LRRTM4: variants seen among roughly 807,000 people sequenced by gnomAD.
LRRTM4 encodes the protein leucine rich repeat transmembrane neuronal 4.
In LRRTM4, 25 loss-of-function variants were observed where a neutral mutation model predicts 47.6. The ratio of observed to expected loss-of-function variants is 0.53; its 90% CI spans 0.38 to 0.73. The LOEUF (loss-of-function observed/expected upper bound fraction) is 0.73. Ranked by LOEUF, LRRTM4 falls within the 30% of genes least tolerant of loss-of-function variation. The pLI, the probability that LRRTM4 is intolerant of heterozygous loss-of-function variation, is 0.00. For synonymous variants in LRRTM4, 311 were observed against 269.5 expected, an observed-to-expected ratio of 1.15 and a Z score of -1.51; for missense variants, 638 against 713.4, an observed-to-expected ratio of 0.89 and a Z score of 1.20.
At chr2:77,336,957 G>A (rs1295591100) in intron 3 of LRRTM4, among the ~76,000 whole-genome samples, 1 of 152,038 alleles carries the variant, frequency 6.6e-6, no homozygotes, top group African/African-American at 2.4e-5. Context: ...TATGATACTA[G>A]ACATAGAGCA....
Position 77,090,297 on chromosome 2 carries a change from A to G in LRRTM4, c.1552-341381T>C, listed in dbSNP as rs535068588. On this transcript the variant is annotated intron_variant, in intron 3 of 3. Transcript: ENST00000409884. Reference sequence around the variant, plus strand: ...ATCAGAAGCGTTTAGGCTCTTTCTCATCAAATATAAAAATCCAGCCCAGTT... The same window carrying G: ...ATCAGAAGCGTTTAGGCTCTTTCTCGTCAAATATAAAAATCCAGCCCAGTT... Among the ~76,000 whole-genome samples the G allele has an allele frequency of 1.4e-3, 206 of 152,204 alleles. 2 individuals carry two copies. The highest frequency in any genetic ancestry group is 4.6e-3 in the African/African-American group (190 of 41,510).
intron 3 of LRRTM4, among the ~76,000 whole-genome samples, chr2:76,769,237 TACTTAG>T (rs1419387406): frequency 1.3e-5 from 2 of 152,180 alleles, no homozygotes; most frequent in East Asian, 1.9e-4. Context: ...AACTCCTATT[TACTTAG>T]ACTTAATCTA....
chr2:76,928,834 G>C (rs1230678204), intron 3 of LRRTM4, among the ~76,000 whole-genome samples: 1 of 151,990 alleles, frequency 6.6e-6, no homozygotes, highest in African/African-American at 2.4e-5. Flanking sequence ...GCAAAGCAAA[G>C]AACACAAAAG....
intron 3 of LRRTM4, among the ~76,000 whole-genome samples, chr2:77,080,279 T>C (rs1438614570): frequency 6.6e-6 from 1 of 152,200 alleles, no homozygotes; most frequent in African/African-American, 2.4e-5. Context: ...TCTCCTTTTT[T>C]TGACCTTTAT....
At chr2:77,115,282 C>T (rs79515912) in intron 3 of LRRTM4, among the ~76,000 whole-genome samples, 1 of 152,122 alleles carries the variant, frequency 6.6e-6, no homozygotes, top group African/African-American at 2.4e-5. Context: ...TTCCCTTGTT[C>T]CCTGAAAATC....
At chr2:77,125,812 G>GT (rs1463938000) in intron 3 of LRRTM4, among the ~76,000 whole-genome samples, 3 of 151,654 alleles carry the variant, frequency 2.0e-5, no homozygotes, top group Non-Finnish European at 4.4e-5. Flanking sequence ...TTTGAAGTTA[G>GT]TAACAGAGCC....
chr2:77,082,560 A>G (rs532790712), intron 3 of LRRTM4, among the ~76,000 whole-genome samples: 1 of 152,240 alleles, frequency 6.6e-6, no homozygotes, highest in South Asian at 2.1e-4. Context: ...TCTTATATAT[A>G]TATAGGTCAA....
intron 3 of LRRTM4, among the ~76,000 whole-genome samples, chr2:76,774,516 T>C (rs961541049): frequency 6.6e-6 from 1 of 151,950 alleles, no homozygotes; most frequent in Admixed American, 6.6e-5. Context: ...ATTAAGAAAA[T>C]TTAAAAAAGA....
chr2:77,301,525 C>A (rs1049983619), intron 3 of LRRTM4, among the ~76,000 whole-genome samples: 2 of 152,046 alleles, frequency 1.3e-5, no homozygotes, highest in Non-Finnish European at 2.9e-5. Context: ...AGTAATACTG[C>A]ACAAATTACC....
intron 3 of LRRTM4, among the ~76,000 whole-genome samples, chr2:76,837,154 T>C (rs1558684954): frequency 6.6e-6 from 1 of 152,300 alleles, no homozygotes; most frequent in Non-Finnish European, 1.5e-5. Context: ...CTGTTAGATT[T>C]TCTAGTTTAT....
At chr2:77,502,935 G>A (rs1441845253) in intron 3 of LRRTM4, among the ~76,000 whole-genome samples, 1 of 150,392 alleles carries the variant, frequency 6.6e-6, no homozygotes, top group Non-Finnish European at 1.5e-5. Context: ...CAAATAAGAG[G>A]AAAACAAAAT....
At chr2:77,357,755 T>G (rs1367754231) in intron 3 of LRRTM4, among the ~76,000 whole-genome samples, 1 of 152,194 alleles carries the variant, frequency 6.6e-6, no homozygotes. Context: ...AGAAAAATCT[T>G]GTACTTTTTA....
intron 3 of LRRTM4, among the ~76,000 whole-genome samples, chr2:77,027,181 A>G (rs1287372175): frequency 3.3e-5 from 5 of 152,150 alleles, no homozygotes; most frequent in Non-Finnish European, 7.4e-5. Context: ...CTTTTCTGAT[A>G]CAATGTTAGA....
chr2:77,393,107 T>C (rs1558722150), intron 3 of LRRTM4, among the ~76,000 whole-genome samples: 1 of 152,006 alleles, frequency 6.6e-6, no homozygotes, highest in African/African-American at 2.4e-5. Flanking sequence ...TTTTCGTAAT[T>C]CTCTTTTTTC....
intron 3 of LRRTM4, among the ~76,000 whole-genome samples, chr2:77,019,661 C>T (rs974981137): frequency 9.9e-5 from 15 of 152,140 alleles, no homozygotes; most frequent in African/African-American, 3.4e-4. Context: ...GCAGATAAAG[C>T]CAATTTCTTG....
chr2:76,970,605 G>T (rs1676186395), intron 3 of LRRTM4, among the ~76,000 whole-genome samples: 1 of 152,020 alleles, frequency 6.6e-6, no homozygotes, highest in African/African-American at 2.4e-5. Flanking sequence ...TAATTGGCTT[G>T]CATTATGAGA....
At chr2:77,469,024 A>T (rs1677087249) in intron 3 of LRRTM4, among the ~76,000 whole-genome samples, 1 of 152,210 alleles carries the variant, frequency 6.6e-6, no homozygotes, top group Non-Finnish European at 1.5e-5. Flanking sequence ...ACGATGTCCC[A>T]TTGGTGCAGA....
intron 3 of LRRTM4, among the ~76,000 whole-genome samples, chr2:76,795,598 C>G (rs1365798603): frequency 6.7e-6 from 1 of 150,164 alleles, no homozygotes; most frequent in Admixed American, 6.7e-5. Context: ...CACATACACA[C>G]ACACTACATT....
chr2:77,468,362 G>T (rs970798429), intron 3 of LRRTM4, among the ~76,000 whole-genome samples: 4 of 151,960 alleles, frequency 2.6e-5, no homozygotes, highest in Non-Finnish European at 5.9e-5. Context: ...TATTTATTGA[G>T]AATTTTATAG....
Sources: allele counts gnomAD v4.1 joint callset (sites outside exome capture counted in the v4.1 genomes callset), GRCh38; gene constraint gnomAD v4.1.1; transcripts MANE v1.5; gene names NCBI Gene and HGNC (gene_info 2026-07-23, HGNC 2026-07-21).